Variants in NUDT19 observed in about 807,000 individuals in gnomAD.
The protein encoded by NUDT19 is nudix hydrolase 19, also known as acyl-coenzyme A diphosphatase NUDT19.
In NUDT19, 31 loss-of-function variants were observed where a neutral mutation model predicts 22.2. The observed-to-expected ratio is 1.40, with a 90% CI of 1.05 to 1.89. The LOEUF (loss-of-function observed/expected upper bound fraction) is 1.89. Ranked by LOEUF, NUDT19 falls within the 40% of genes most tolerant of loss-of-function variation. The pLI is 0.00. For missense variants in NUDT19, 752 were observed against 514.2 expected, an observed-to-expected ratio of 1.46 and a Z score of -4.47; for synonymous variants, 325 against 230.8, an observed-to-expected ratio of 1.41 and a Z score of -3.70.
chr19:32,703,647 C>CA (rs1968357651), intron 1 of NUDT19, among the ~76,000 whole-genome samples: 2 of 126,156 alleles, frequency 1.6e-5, no homozygotes, highest in South Asian at 2.6e-4. Context: ...CTGTGCCCAG[C>CA]CTTTTTTTTT....
At chr19:32,704,090 A>G (rs1016476899) in intron 1 of NUDT19, among the ~76,000 whole-genome samples, 2 of 152,104 alleles carry the variant, frequency 1.3e-5, no homozygotes, top group African/African-American at 2.4e-5. Context: ...TGAATCCTCT[A>G]ACTTTTGCTT....
In NUDT19 at chr19:32,692,181, C is replaced by T. The variant is rs746432144; in HGVS notation, c.221C>T (p.Ala74Val). The T allele has an allele frequency of 2.6e-6, 4 of 1,552,512 alleles. No homozygotes were observed. The highest frequency in any genetic ancestry group is 3.4e-6 in the Non-Finnish European group (4 of 1,160,424). The change falls in exon 1 of 3, where the codon GCG (alanine) becomes GTG (valine). Residue 74 changes from alanine to valine, a missense_variant. Transcript: ENST00000397061. ...GTGCTGGATGCGGCCGACCGCTCGG[C>T]GGACTGGCTGGGCCTCTTCGCGCCG... ...GGVLDAADRS[A>V]DWLGLFAPHH...
intron 1 of NUDT19, among the ~76,000 whole-genome samples, chr19:32,700,963 C>G (rs998237762): frequency 6.6e-6 from 1 of 151,532 alleles, no homozygotes; most frequent in Non-Finnish European, 1.5e-5. Flanking sequence ...TCCCTTGAGC[C>G]TGGGAGGTTG....
At chr19:32,707,870 C>T (rs1000515086) in intron 1 of NUDT19, among the ~76,000 whole-genome samples, 3 of 150,712 alleles carry the variant, frequency 2.0e-5, no homozygotes, top group African/African-American at 7.3e-5. Context: ...CCCAGCTACT[C>T]GGGAGGCTGA....
chr19:32,692,912 G>A (rs1274508281), intron 1 of NUDT19, among the ~76,000 whole-genome samples: 3 of 152,258 alleles, frequency 2.0e-5, no homozygotes, highest in Admixed American at 6.5e-5. Flanking sequence ...GTCTCTCCAC[G>A]TGGTTCCTCC....
intron 1 of NUDT19, among the ~76,000 whole-genome samples, chr19:32,700,773 T>C (rs1177960678): frequency 6.6e-6 from 1 of 152,072 alleles, no homozygotes; most frequent in African/African-American, 2.4e-5. Flanking sequence ...CAGTGACTGA[T>C]ACCTATAATC....
At chr19:32,703,869 G>T (rs374152032) in intron 1 of NUDT19, among the ~76,000 whole-genome samples, 32 of 151,190 alleles carry the variant, frequency 2.1e-4, no homozygotes, top group Admixed American at 9.3e-4. Flanking sequence ...CACCATGTTG[G>T]CCAGGCTGAT....
intron 1 of NUDT19, among the ~76,000 whole-genome samples, chr19:32,702,508 G>A (rs942713432): frequency 1.3e-5 from 2 of 152,094 alleles, no homozygotes; most frequent in Non-Finnish European, 2.9e-5. Context: ...TCACACAGGT[G>A]GAGACAGGAG....
At position 32,700,263 on chromosome 19, in the gene NUDT19, A is replaced by G. The variant is rs1409355818; in HGVS notation, c.714+7589A>G. Among the ~76,000 whole-genome samples, 4 of 152,268 alleles carry G rather than the reference A, an allele frequency of 2.6e-5. No homozygotes were observed. The East Asian group carries it at 5.8e-4, about 22-fold the overall frequency. On this transcript the variant is annotated intron_variant, in intron 1 of 2. Transcript: ENST00000397061. ...CATTTTACAGAGTGCTGAGTGGTCCATTTTACACAGTGCTGATTGGTCCGT... is the reference window on the plus strand; with the variant it reads ...CATTTTACAGAGTGCTGAGTGGTCCGTTTTACACAGTGCTGATTGGTCCGT...
chr19:32,692,201 G>C lies in NUDT19; in HGVS notation c.241G>C (p.Ala81Pro), dbSNP rs776594450. 2 of 1,573,992 alleles carry C rather than the reference G, an allele frequency of 1.3e-6. No individual in the cohort carries two copies. Among genetic ancestry groups the C allele is most frequent in the East Asian group, 2.3e-5 (1 of 42,554 alleles). The change falls in exon 1 of 3, where the codon GCG (alanine) becomes CCG (proline). Residue 81 changes from alanine (A) to proline (P), a missense_variant. Coordinates refer to ENST00000397061, the MANE Select transcript of NUDT19 (RefSeq NM_001105570.2). ...DRSADWLGLF[A>P]PHHGPPRFGL... The stretch of plus-strand genomic sequence containing the variant: ...CTCGGCGGACTGGCTGGGCCTCTTC[G>C]CGCCGCACCACGGGCCGCCGCGCTT...
chr19:32,708,945 G>C (rs1364446085), intron 1 of NUDT19, among the ~76,000 whole-genome samples: 1 of 152,126 alleles, frequency 6.6e-6, no homozygotes, highest in East Asian at 1.9e-4. Context: ...CAAGCCTCAG[G>C]GGTCTGCCCT....
chr19:32,696,128 G>C (rs1968261156), intron 1 of NUDT19, among the ~76,000 whole-genome samples: 1 of 152,164 alleles, frequency 6.6e-6, no homozygotes, highest in Non-Finnish European at 1.5e-5. Context: ...TATCCTCTGG[G>C]AGAAAAGTGG....
At chr19:32,702,204 C>CAA (rs1303220739) in intron 1 of NUDT19, among the ~76,000 whole-genome samples, 1 of 152,154 alleles carries the variant, frequency 6.6e-6, no homozygotes, top group East Asian at 1.9e-4. Context: ...GATTAATTGA[C>CAA]AAAGGCTTGA....
rs1231723733 is a variant in NUDT19, at chr19:32,692,250, G to A, written c.290G>A (p.Ser97Asn). The change falls in exon 1 of 3, where the codon AGC (serine) becomes AAC (asparagine). Residue 97 changes from serine (S) to asparagine (N), a missense_variant. By Grantham distance (46) the Ser-to-Asn change is conservative. Coordinates refer to ENST00000397061, the MANE Select transcript of NUDT19 (RefSeq NM_001105570.2). ...PRFGLGPAPF[S>N]RTAFPSLPDT... ...TTCGGCCTGGGCCCGGCGCCATTCA[G>A]CCGCACCGCTTTCCCGTCGCTGCCC... 6.3e-7 allele frequency: 1 copy of A among 1,591,918 alleles called. No individual in the cohort carries two copies. The highest frequency in any genetic ancestry group is 8.5e-7 in the Non-Finnish European group (1 of 1,177,392).
chr19:32,708,999 C>G (rs993415102), intron 1 of NUDT19, among the ~76,000 whole-genome samples, 186 bp from the exon 2 acceptor site: 3 of 152,294 alleles, frequency 2.0e-5, no homozygotes, highest in South Asian at 2.1e-4. Context: ...AATAAGCAAC[C>G]TCTTAAGAGG....
chr19:32,709,104 C>T, intron 1 of NUDT19, 81 bp from the exon 2 acceptor site: 1 of 899,924 alleles, frequency 1.1e-6, no homozygotes, highest in Non-Finnish European at 1.9e-6. Flanking sequence ...TCAGTTCTAC[C>T]TTAGGTACTG....
At chr19:32,696,270 G>C (rs1968262768) in intron 1 of NUDT19, among the ~76,000 whole-genome samples, 1 of 152,210 alleles carries the variant, frequency 6.6e-6, no homozygotes, top group Non-Finnish European at 1.5e-5. Flanking sequence ...TACATCATGA[G>C]TAGTCCAGAC....
At chr19:32,695,329 G>A (rs926702721) in intron 1 of NUDT19, among the ~76,000 whole-genome samples, 9 of 152,024 alleles carry the variant, frequency 5.9e-5, no homozygotes, top group Non-Finnish European at 8.8e-5. Context: ...ACAGGCGCCC[G>A]CCACCACACC....
In NUDT19 at chr19:32,692,628, AGCC is replaced by A. The variant is rs780432062; in HGVS notation, c.675_677del (p.Pro226del). The A allele has an allele frequency of 4.2e-5, 64 of 1,533,124 alleles. No individual in the cohort carries two copies. The highest frequency in any genetic ancestry group is 2.0e-4 in the Middle Eastern group (1 of 5,038). The allele number at this position is 1,533,124 out of a possible 1,614,324, so 95.0% of individuals were successfully genotyped here. A position where few individuals can be genotyped will look rare whatever the true frequency, so the allele number is the denominator to read the frequency against. On this transcript the variant is annotated inframe_deletion, in exon 1 of 3. Coordinates refer to ENST00000397061, the MANE Select transcript of NUDT19 (RefSeq NM_001105570.2). The stretch of plus-strand genomic sequence containing the variant: ...GCCTTCTTCCTGTGCTGCCTGCGCG[AGCC>A]GCCGCCCGTCTACCCCGACTTGGCG...
Sources: gnomAD v4.1 joint callset for allele counts (sites outside exome capture counted in the v4.1 genomes callset) on GRCh38, gnomAD v4.1.1 for gene constraint, MANE v1.5 for transcripts, NCBI Gene and HGNC (gene_info 2026-07-23, HGNC 2026-07-21) for gene names.